Variants in MSH3 observed in about 807,000 individuals in gnomAD.
MSH3 encodes the protein DNA mismatch repair protein Msh3.
A neutral mutation model predicts 123.3 loss-of-function variants in MSH3; 106 were observed. The ratio of observed to expected loss-of-function variants is 0.86; its 90% CI spans 0.73 to 1.01. MSH3 has a LOEUF of 1.01. Among genes scored for constraint, MSH3 ranks in the 50% least tolerant of loss-of-function variants. MSH3 has a pLI of 0.00. For missense variants in MSH3, 1,459 were observed against 1,347.6 expected (o/e 1.08, Z -1.29); for synonymous variants, 515 against 481.4 (o/e 1.07, Z -0.91).
In MSH3 at chr5:80,764,614, T is replaced by G. The variant is rs545010122; in HGVS notation, c.1896+2936T>G. ...CTGGGTTCAAGAGATCCTCCCACCT[T>G]GGACTCCCAGTGTGTTGGGATTACG... On this transcript the variant is annotated intron_variant, in intron 13 of 23. Transcript: ENST00000265081. 2.0e-5 allele frequency among the ~76,000 whole-genome samples: 3 copies of G among 151,976 alleles called. No homozygotes were observed. In the East Asian group the frequency reaches 5.8e-4, roughly 30 times the overall value.
At chr5:80,708,011 A>G (rs1412665985) in intron 8 of MSH3, among the ~76,000 whole-genome samples, 1 of 152,312 alleles carries the variant, frequency 6.6e-6, no homozygotes, top group Non-Finnish European at 1.5e-5. Flanking sequence ...TTTTTTAGTT[A>G]TAAGAATTCT....
chr5:80,811,656 G>A (rs1013661261), intron 19 of MSH3, among the ~76,000 whole-genome samples: 2 of 151,928 alleles, frequency 1.3e-5, no homozygotes, highest in Admixed American at 6.6e-5. Flanking sequence ...AATTCAGTAG[G>A]GATGTTCTCT....
chr5:80,807,867 G>A (rs552661296), intron 19 of MSH3, among the ~76,000 whole-genome samples: 64 of 152,276 alleles, frequency 4.2e-4, no homozygotes, highest in African/African-American at 1.5e-3. Flanking sequence ...TTTGGCATGT[G>A]GGAGGAAACT....
chr5:80,675,109 A>C lies in MSH3; in HGVS notation c.1154A>C (p.Asn385Thr). ...AATGTTAGGGACAAAAAAAAGGGCA[A>C]CATTTTTATTGGCATTGTGGTAAGT... ...KENVRDKKKGNIFIGIVGVQP... is the reference protein window; with the variant it reads ...KENVRDKKKGTIFIGIVGVQP... Residue 385 changes from asparagine to threonine, a missense_variant, in exon 7 of 24, where the codon AAC becomes ACC. Physicochemically the swap from Asn to Thr is moderately conservative, Grantham distance 65. Coordinates refer to ENST00000265081, the MANE Select transcript of MSH3 (RefSeq NM_002439.5). 1 of 1,613,832 alleles carries C rather than the reference A, an allele frequency of 6.2e-7. No individual in the cohort carries two copies. Among genetic ancestry groups the C allele is most frequent in the Non-Finnish European group, 8.5e-7 (1 of 1,179,880 alleles).
chr5:80,847,403 G>A (rs190209470), intron 20 of MSH3, among the ~76,000 whole-genome samples: 1 of 148,136 alleles, frequency 6.8e-6, no homozygotes, highest in East Asian at 2.1e-4. Context: ...TTTTCATGTA[G>A]GGCTCTTGGT....
At chr5:80,704,017 ATGG>A (rs1253425664) in intron 8 of MSH3, among the ~76,000 whole-genome samples, 1 of 152,118 alleles carries the variant, frequency 6.6e-6, no homozygotes, top group South Asian at 2.1e-4. Context: ...GCAGGCCACA[ATGG>A]TGGGCTTCTG....
At position 80,695,087 on chromosome 5, in the gene MSH3, GTT is replaced by G. The variant is rs57947652; in HGVS notation, c.1340+16008_1340+16009del. Among the ~76,000 whole-genome samples, 331 of 115,312 alleles carry G rather than the reference GTT, an allele frequency of 2.9e-3. 2 individuals carry two copies. The highest frequency in any genetic ancestry group is 7.5e-3 in the African/African-American group (237 of 31,710). 75.6% of individuals were successfully genotyped at this position (115,312 alleles called of 152,430 possible). A position where few individuals can be genotyped will look rare whatever the true frequency, so the allele number is the denominator to read the frequency against. ...TGTTGGTGGTGGTGTTTTTTTTGTT[GTT>G]TTTTTTTTTTTTTGCCTTTCTTTTC... On this transcript the variant is annotated intron_variant, in intron 8 of 23. Coordinates refer to ENST00000265081, the MANE Select transcript of MSH3 (RefSeq NM_002439.5).
intron 8 of MSH3, among the ~76,000 whole-genome samples, chr5:80,689,302 C>T (rs748305137): frequency 6.6e-5 from 10 of 152,138 alleles, no homozygotes; most frequent in Non-Finnish European, 1.2e-4. Context: ...TTAGATGTTT[C>T]TCAAATTTGG....
intron 9 of MSH3, among the ~76,000 whole-genome samples, chr5:80,726,014 G>A (rs1338050682): frequency 2.6e-5 from 4 of 152,144 alleles, no homozygotes; most frequent in Non-Finnish European, 5.9e-5. Context: ...TAGACTGTTT[G>A]GATGATAAAT....
At chr5:80,669,999 CTAAG>C in intron 3 of MSH3, 94 bp from the exon 4 acceptor site, 2 of 1,093,944 alleles carry the variant, frequency 1.8e-6, no homozygotes, top group Non-Finnish European at 1.4e-6. Flanking sequence ...TCTAGATTCA[CTAAG>C]TGTTAGCTTT....
At chr5:80,811,779 T>C (rs954442490) in intron 19 of MSH3, among the ~76,000 whole-genome samples, 1 of 148,700 alleles carries the variant, frequency 6.7e-6, no homozygotes, top group Non-Finnish European at 1.5e-5. Flanking sequence ...GATAGACATA[T>C]TAAAAAAGAG....
At chr5:80,863,344 A>G (rs1746045088) in intron 21 of MSH3, among the ~76,000 whole-genome samples, 1 of 152,086 alleles carries the variant, frequency 6.6e-6, no homozygotes, top group African/African-American at 2.4e-5. Flanking sequence ...TATTTTAGGG[A>G]GGCATGAGAC....
chr5:80,807,025 C>T (rs1373088311), intron 19 of MSH3, among the ~76,000 whole-genome samples: 1 of 151,424 alleles, frequency 6.6e-6, no homozygotes, highest in Non-Finnish European at 1.5e-5. Context: ...ATGGGGAGAC[C>T]TCATCTCTAC....
chr5:80,850,477 A>G (rs1043964571), intron 20 of MSH3, among the ~76,000 whole-genome samples: 3 of 152,198 alleles, frequency 2.0e-5, no homozygotes, highest in Admixed American at 2.0e-4. Flanking sequence ...ACAGCTCCAC[A>G]TGGCTGGGGA....
intron 7 of MSH3, among the ~76,000 whole-genome samples, chr5:80,675,580 C>T (rs960762624): frequency 6.6e-6 from 1 of 152,192 alleles, no homozygotes; most frequent in African/African-American, 2.4e-5. Flanking sequence ...GTCATGAGAA[C>T]AGCAAGGAGG....
At chr5:80,779,452 T>C (rs1744369666) in intron 17 of MSH3, among the ~76,000 whole-genome samples, 1 of 152,170 alleles carries the variant, frequency 6.6e-6, no homozygotes, top group Non-Finnish European at 1.5e-5. Context: ...TGTAACACTT[T>C]ACCCCTAAAT....
At chr5:80,757,777 A>G (rs894760894) in intron 12 of MSH3, among the ~76,000 whole-genome samples, 3 of 152,152 alleles carry the variant, frequency 2.0e-5, no homozygotes, top group Admixed American at 6.5e-5. Context: ...TTGCACTAAG[A>G]TAATAATTCT....
At chr5:80,681,666 T>C (rs1749971424) in intron 8 of MSH3, among the ~76,000 whole-genome samples, 3 of 145,998 alleles carry the variant, frequency 2.1e-5, no homozygotes, top group Admixed American at 2.0e-4. Context: ...ATATATTTTA[T>C]TAATTTAGAT....
intron 8 of MSH3, among the ~76,000 whole-genome samples, chr5:80,690,168 C>G (rs986331209): frequency 6.6e-6 from 1 of 152,118 alleles, no homozygotes; most frequent in Admixed American, 6.6e-5. Flanking sequence ...ATGCTCTCAC[C>G]TCAGCCTTGC....
Sources: gnomAD v4.1 joint callset for allele counts (sites outside exome capture counted in the v4.1 genomes callset) on GRCh38, gnomAD v4.1.1 for gene constraint, MANE v1.5 for transcripts, NCBI Gene and HGNC (gene_info 2026-07-23, HGNC 2026-07-21) for gene names.